MYH15: variants seen among roughly 807,000 people sequenced by gnomAD.
The protein encoded by MYH15 is myosin heavy chain 15.
Under a neutral mutation model 240.5 loss-of-function variants are expected in MYH15, and 227 were observed. The observed-to-expected ratio is 0.94, with a 90% CI of 0.85 to 1.05. MYH15 has a LOEUF of 1.05. Among genes scored for constraint, MYH15 ranks in the 50% least tolerant of loss-of-function variants. MYH15 has a pLI of 0.00. For missense variants in MYH15, 2,217 were observed against 2,247.5 expected, an observed-to-expected ratio of 0.99 and a Z score of 0.27; for synonymous variants, 785 against 796.7, an observed-to-expected ratio of 0.99 and a Z score of 0.25.
rs574189983 is a variant in MYH15, at chr3:108,446,073, C to G, written c.2400-1178G>C. Among the ~76,000 whole-genome samples the G allele has an allele frequency of 2.0e-5, 3 of 152,236 alleles. No homozygotes were observed. In the South Asian group the frequency reaches 6.2e-4, roughly 32 times the overall value. ...GCAGCCCCAGACTGCAAGCCTACCC[C>G]CAGTGACCCAGACTCTAGGACCATC... On this transcript the variant is annotated intron_variant, in intron 21 of 40. Coordinates refer to ENST00000693548, the MANE Select transcript of MYH15 (RefSeq NM_014981.3).
chr3:108,549,821 T>A, the MYH15 span: 1 of 151,996 alleles, frequency 6.6e-6, no homozygotes, highest in Non-Finnish European at 1.5e-5. Context: ...TTCCCTAGAA[T>A]TTTTGGTTCA....
chr3:108,550,908 T>C, the MYH15 span: 2 of 254,992 alleles, frequency 7.8e-6, no homozygotes, highest in Non-Finnish European at 1.5e-5. Flanking sequence ...GATTTTCTAA[T>C]GTAAGAACCA....
chr3:108,484,510 G>A (rs1166077798), intron 11 of MYH15, among the ~76,000 whole-genome samples: 2 of 151,798 alleles, frequency 1.3e-5, no homozygotes, highest in Admixed American at 6.6e-5. Flanking sequence ...ACTGAGTCTC[G>A]CTCTGTCACC....
upstream of MYH15, chr3:108,529,330 T>C (rs1050455101): frequency 2.0e-5 from 28 of 1,411,656 alleles, no homozygotes; most frequent in African/African-American, 5.7e-5. Flanking sequence ...ATGACCTAAA[T>C]TGAGGATCCG....
At chr3:108,476,814 C>A (rs2107590924) in intron 11 of MYH15, among the ~76,000 whole-genome samples, 1 of 152,168 alleles carries the variant, frequency 6.6e-6, no homozygotes, top group Middle Eastern at 3.4e-3. Context: ...AAACGGCAGA[C>A]AATAACAAGT....
At chr3:108,519,285 C>T (rs2083598721) in intron 1 of MYH15, among the ~76,000 whole-genome samples, 2 of 152,090 alleles carry the variant, frequency 1.3e-5, no homozygotes, top group African/African-American at 4.8e-5. Context: ...TCAAGAAAAC[C>T]AGACTGGTAA....
rs2082681882 is a variant in MYH15 at position 108,421,284 on chromosome 3, AG to A, written c.3703-71del. 3 of 1,562,368 alleles carry A rather than the reference AG, an allele frequency of 1.9e-6. No individual in the cohort carries two copies. In the South Asian group the frequency reaches 3.4e-5, roughly 18 times the overall value. ...CTCTGAATCAGCTGCACAAAGGAAG[AG>A]GGGAGGAGTGGCTCCAGGGATCCGC... is the stretch of plus-strand genomic sequence containing the variant. On this transcript the variant is annotated intron_variant, in intron 27 of 40. Transcript: ENST00000693548.
the MYH15 span, among the ~76,000 whole-genome samples, chr3:108,537,828 A>C: frequency 5.3e-5 from 8 of 152,210 alleles, no homozygotes; most frequent in Non-Finnish European, 1.2e-4. Context: ...AAAATAATTA[A>C]AATGGGAAGA....
chr3:108,445,752 A>G (rs1335952861), intron 21 of MYH15, among the ~76,000 whole-genome samples: 1 of 152,182 alleles, frequency 6.6e-6, no homozygotes, highest in African/African-American at 2.4e-5. Flanking sequence ...TCTGATGGAG[A>G]CTATCAAATA....
At chr3:108,428,073 C>T (rs1329415446) in intron 27 of MYH15, among the ~76,000 whole-genome samples, 1 of 152,178 alleles carries the variant, frequency 6.6e-6, no homozygotes, top group African/African-American at 2.4e-5. Context: ...AGAAAAAGTT[C>T]CCTCCTCTCA....
intron 23 of MYH15, 148 bp downstream of exon 23, chr3:108,440,870 A>G: frequency 1.1e-6 from 1 of 909,268 alleles, no homozygotes; most frequent in Non-Finnish European, 1.7e-6. Context: ...CAGACTCTAT[A>G]TTTTGTGCCA....
chr3:108,383,844 G>T, intron 39 of MYH15, 115 bp from the exon 40 acceptor site: 2 of 784,514 alleles, frequency 2.5e-6, no homozygotes, highest in Non-Finnish European at 1.9e-6. Context: ...AAACTTCTGA[G>T]TATTGAATGG....
chr3:108,397,568 G>T (rs1388184699), intron 35 of MYH15, among the ~76,000 whole-genome samples: 1 of 152,176 alleles, frequency 6.6e-6, no homozygotes, highest in African/African-American at 2.4e-5. Flanking sequence ...ATCCATACCA[G>T]TCCAGGTTAT....
intron 10 of MYH15, 114 bp from the exon 11 acceptor site, chr3:108,485,343 G>T: frequency 1.7e-6 from 2 of 1,199,514 alleles, no homozygotes; most frequent in Non-Finnish European, 2.4e-6. Context: ...GAGACAGACA[G>T]CTCTGTTCAA....
intron 6 of MYH15, among the ~76,000 whole-genome samples, chr3:108,497,582 A>G (rs2083400852): frequency 6.6e-6 from 1 of 152,104 alleles, no homozygotes; most frequent in African/African-American, 2.4e-5. Flanking sequence ...TGAATGTGGT[A>G]TGTGATTAAC....
At chr3:108,474,293 A>G (rs1285457683) in intron 12 of MYH15, among the ~76,000 whole-genome samples, 1 of 151,140 alleles carries the variant, frequency 6.6e-6, no homozygotes, top group African/African-American at 2.4e-5. Context: ...CGAGAGGAGG[A>G]GGATTTTTTA....
In MYH15 at chr3:108,508,787, T is replaced by A. The variant is rs75048003; in HGVS notation, c.88+1656A>T. 6.9e-3 allele frequency among the ~76,000 whole-genome samples: 1,053 copies of A among 152,308 alleles called. 4 individuals carry two copies. Among genetic ancestry groups the A allele is most frequent in the African/African-American group, 0.024 (992 of 41,568 alleles). On this transcript the variant is annotated intron_variant, in intron 1 of 40. Coordinates refer to ENST00000693548, the MANE Select transcript of MYH15 (RefSeq NM_014981.3). ...CGCTTACATGTTCTAATATAAGAAT[T>A]ATTTACATTTGGCTTTCGAATGGTG...
chr3:108,404,249 TGA>T (rs2082529883), intron 33 of MYH15, among the ~76,000 whole-genome samples: 1 of 152,062 alleles, frequency 6.6e-6, no homozygotes, highest in Non-Finnish European at 1.5e-5. Context: ...TTGACCCCCT[TGA>T]GAGTTTTGTC....
At chr3:108,486,000 G>A (rs1472953244) in intron 10 of MYH15, among the ~76,000 whole-genome samples, 1 of 152,182 alleles carries the variant, frequency 6.6e-6, no homozygotes, top group Non-Finnish European at 1.5e-5. Context: ...AAATGTTTAT[G>A]AAGAGTTCCT....
Sources: allele counts gnomAD v4.1 joint callset (sites outside exome capture counted in the v4.1 genomes callset), GRCh38; gene constraint gnomAD v4.1.1; transcripts MANE v1.5; gene names NCBI Gene and HGNC (gene_info 2026-07-23, HGNC 2026-07-21).